PCSK2: variants seen among roughly 807,000 people sequenced by gnomAD.
The protein encoded by PCSK2 is neuroendocrine convertase 2.
Under a neutral mutation model 69.7 loss-of-function variants are expected in PCSK2, and 14 were observed. The observed-to-expected ratio is 0.20, with a 90% CI of 0.13 to 0.31. PCSK2 has a LOEUF of 0.31. PCSK2 is among the 10% of genes least tolerant of loss of function. The pLI is 1.00. For synonymous variants in PCSK2, 307 were observed against 320.7 expected (o/e 0.96, Z 0.46); for missense variants, 544 against 842.5 (o/e 0.65, Z 4.39).
chr20:17,257,307 C>A (rs1388147518), intron 1 of PCSK2, among the ~76,000 whole-genome samples: 7 of 152,144 alleles, frequency 4.6e-5, no homozygotes, highest in Non-Finnish European at 1.0e-4. Flanking sequence ...AATAGGAATG[C>A]TTTTACACTG....
intron 2 of PCSK2, among the ~76,000 whole-genome samples, chr20:17,284,390 G>A (rs552725391): frequency 4.6e-5 from 7 of 152,258 alleles, no homozygotes; most frequent in South Asian, 4.1e-4. Flanking sequence ...AATGGCTTTC[G>A]TCCACTCCAT....
At chr20:17,423,785 T>G (rs1299716044) in intron 6 of PCSK2, among the ~76,000 whole-genome samples, 1 of 152,152 alleles carries the variant, frequency 6.6e-6, no homozygotes, top group Non-Finnish European at 1.5e-5. Flanking sequence ...ATAAATACCC[T>G]TGTAGAAGAA....
At chr20:17,251,156 A>C (rs1986962779) in intron 1 of PCSK2, among the ~76,000 whole-genome samples, 1 of 152,168 alleles carries the variant, frequency 6.6e-6, no homozygotes, top group Admixed American at 6.6e-5. Context: ...TAAGAAACAA[A>C]AGGTCAAATT....
chr20:17,465,693 G>A lies in PCSK2; in HGVS notation c.1430+140G>A, dbSNP rs555574168. The A allele has an allele frequency of 1.4e-5, 9 of 638,162 alleles. No homozygotes were observed. The East Asian group carries it at 2.5e-4, about 18-fold the overall frequency. The allele number at this position is 638,162 out of a possible 1,614,324, so 39.5% of individuals were successfully genotyped here. ...TTTGTTTGTTTGTTTTTTTGAGACA[G>A]GGCCTCACTTTGTCACCCAGGCTGG... On this transcript the variant is annotated intron_variant, in intron 11 of 11. Transcript: ENST00000262545.
chr20:17,346,514 G>A (rs1342830354), intron 2 of PCSK2, among the ~76,000 whole-genome samples: 1 of 152,176 alleles, frequency 6.6e-6, no homozygotes, highest in Non-Finnish European at 1.5e-5. Flanking sequence ...CCTGGCCCAG[G>A]CAGGCTCTTT....
intron 2 of PCSK2, among the ~76,000 whole-genome samples, chr20:17,333,471 C>A (rs1164603149): frequency 2.0e-5 from 3 of 152,104 alleles, no homozygotes; most frequent in Non-Finnish European, 2.9e-5. Flanking sequence ...CAAGAGACAC[C>A]TATGGAAATG....
chr20:17,239,946 C>T (rs1432369153), intron 1 of PCSK2, among the ~76,000 whole-genome samples: 4 of 149,412 alleles, frequency 2.7e-5, no homozygotes, highest in South Asian at 2.1e-4. Flanking sequence ...CTCCGCCTCC[C>T]GGGTTCAAGT....
chr20:17,314,907 C>T (rs947069310), intron 2 of PCSK2, among the ~76,000 whole-genome samples: 1 of 152,154 alleles, frequency 6.6e-6, no homozygotes, highest in Admixed American at 6.5e-5. Context: ...AGCAAAATTG[C>T]TCTTCAGGAA....
chr20:17,369,742 G>A (rs1211146800), intron 5 of PCSK2, among the ~76,000 whole-genome samples: 1 of 152,210 alleles, frequency 6.6e-6, no homozygotes, highest in Non-Finnish European at 1.5e-5. Flanking sequence ...ACTTGGCAAG[G>A]TTTAAATCAA....
At chr20:17,327,466 C>G (rs985676353) in intron 2 of PCSK2, among the ~76,000 whole-genome samples, 2 of 152,184 alleles carry the variant, frequency 1.3e-5, no homozygotes, top group African/African-American at 4.8e-5. Flanking sequence ...CATCCTGTAT[C>G]CTCCAAAGAT....
At chr20:17,400,779 T>C (rs1246429103) in intron 5 of PCSK2, among the ~76,000 whole-genome samples, 1 of 152,184 alleles carries the variant, frequency 6.6e-6, no homozygotes, top group African/African-American at 2.4e-5. Context: ...CACTCTATTC[T>C]ACATATTGCC....
At chr20:17,432,485 G>GA (rs2032387906) in intron 7 of PCSK2, among the ~76,000 whole-genome samples, 1 of 152,094 alleles carries the variant, frequency 6.6e-6, no homozygotes, top group Non-Finnish European at 1.5e-5. Context: ...AAATTTTGAA[G>GA]AAAAATATTA....
At chr20:17,397,840 C>T (rs1192058319) in intron 5 of PCSK2, among the ~76,000 whole-genome samples, 1 of 152,126 alleles carries the variant, frequency 6.6e-6, no homozygotes, top group East Asian at 1.9e-4. Context: ...TTTTCTTTGG[C>T]TCATTAGACC....
At chr20:17,358,297 T>C in intron 2 of PCSK2, 30 bp from the exon 3 acceptor site, 1 of 1,178,860 alleles carries the variant, frequency 8.5e-7, no homozygotes, top group Non-Finnish European at 1.3e-6. Flanking sequence ...CAGATTATAT[T>C]CAGGTAATAT....
At chr20:17,342,780 C>T (rs1010905113) in intron 2 of PCSK2, among the ~76,000 whole-genome samples, 1 of 151,970 alleles carries the variant, frequency 6.6e-6, no homozygotes, top group African/African-American at 2.4e-5. Flanking sequence ...TATAGGTGCG[C>T]ACCACCACAC....
intron 8 of PCSK2, among the ~76,000 whole-genome samples, chr20:17,440,874 A>G (rs2032580669): frequency 6.6e-6 from 1 of 151,966 alleles, no homozygotes; most frequent in African/African-American, 2.4e-5. Flanking sequence ...AAAAAAAAAA[A>G]AAAAATGCAC....
In PCSK2 at chr20:17,481,959, G is replaced by A; in HGVS notation, c.1806G>A (p.Gln602=). ...CTCAGAGTGCCCCGTACATCGACCA[G>A]GTGGTGCGGGATTACCAGTCCAAGT... ...HGTQSAPYID[Q]VVRDYQSKLA... The change falls in exon 12 of 12, where the codon CAG becomes CAA. Residue 602 remains glutamine, a synonymous_variant. Coordinates refer to ENST00000262545, the MANE Select transcript of PCSK2 (RefSeq NM_002594.5). 1 of 1,613,322 alleles carries A rather than the reference G, an allele frequency of 6.2e-7. No individual in the cohort carries two copies. The highest frequency in any genetic ancestry group is 8.5e-7 in the Non-Finnish European group (1 of 1,179,914).
In PCSK2 at chr20:17,342,551, C is replaced by T. The variant is rs115022817; in HGVS notation, c.283-15776C>T. ...CCAGGCTGGTCTCAACTCCTGGACT[C>T]AAGCGCTCCACCTGCCTCAGCCTTC... On this transcript the variant is annotated intron_variant, in intron 2 of 11. Transcript: ENST00000262545. Among the ~76,000 whole-genome samples, 888 of 152,232 alleles carry T rather than the reference C, an allele frequency of 5.8e-3. 11 individuals are homozygous for T. The highest frequency in any genetic ancestry group is 0.02 in the African/African-American group (833 of 41,530).
rs879413580 is a variant in PCSK2, at chr20:17,254,732, T to A, written c.178-5508T>A. Reference sequence around the variant, plus strand: ...CTTTAGGATAAGCAAAAATGACAGCTGAGATTTTGAAAGTAATTGTATAGA... The same window carrying A: ...CTTTAGGATAAGCAAAAATGACAGCAGAGATTTTGAAAGTAATTGTATAGA... On this transcript the variant is annotated intron_variant, in intron 1 of 11. Transcript: ENST00000262545. Among the ~76,000 whole-genome samples, 3 of 152,168 alleles carry A rather than the reference T, an allele frequency of 2.0e-5. No individual in the cohort carries two copies. In the South Asian group the frequency reaches 6.2e-4, roughly 31 times the overall value.
Sources: allele counts gnomAD v4.1 joint callset (sites outside exome capture counted in the v4.1 genomes callset), GRCh38; gene constraint gnomAD v4.1.1; transcripts MANE v1.5; gene names NCBI Gene and HGNC (gene_info 2026-07-23, HGNC 2026-07-21).